Variants in EIF4G3 observed in about 807,000 individuals in gnomAD.
EIF4G3 encodes the protein eIF-4-gamma 3.
EIF4G3 carries 34 observed loss-of-function variants against 186.4 expected under a neutral mutation model. The observed-to-expected ratio is 0.18, with a 90% CI of 0.14 to 0.24. The LOEUF (loss-of-function observed/expected upper bound fraction) is 0.24. Among genes scored for constraint, EIF4G3 ranks in the 10% least tolerant of loss-of-function variants. EIF4G3 has a pLI of 1.00. For synonymous variants in EIF4G3, 673 were observed against 679.5 expected, an observed-to-expected ratio of 0.99 and a Z score of 0.15; for missense variants, 1,536 against 1,948.5, an observed-to-expected ratio of 0.79 and a Z score of 3.99.
intron 14 of EIF4G3, among the ~76,000 whole-genome samples, chr1:20,907,313 C>A (rs1051639046): frequency 2.6e-5 from 4 of 152,114 alleles, no homozygotes; most frequent in South Asian, 4.1e-4. Flanking sequence ...CATTTAATTT[C>A]AACTACATTA....
At chr1:21,039,189 C>T (rs772123781) in intron 4 of EIF4G3, among the ~76,000 whole-genome samples, 6 of 152,108 alleles carry the variant, frequency 3.9e-5, no homozygotes, top group Admixed American at 6.5e-5. Context: ...GACTATTCAA[C>T]GGGTAAAGGA....
At chr1:21,038,414 G>A (rs1341563082) in intron 4 of EIF4G3, among the ~76,000 whole-genome samples, 2 of 152,098 alleles carry the variant, frequency 1.3e-5, no homozygotes, top group East Asian at 3.9e-4. Flanking sequence ...CTGCTATTTA[G>A]GACCCTCTCT....
intron 6 of EIF4G3, 104 bp from the exon 7 acceptor site, chr1:20,997,737 C>T (rs1240111780): frequency 3.6e-6 from 3 of 843,424 alleles, no homozygotes; most frequent in Non-Finnish European, 3.6e-6. Context: ...GAAAAAAAAC[C>T]CACAGTGGGG....
chr1:20,857,087 C>T (rs115598302), intron 25 of EIF4G3, among the ~76,000 whole-genome samples: 1,390 of 131,642 alleles, frequency 0.011, 19 homozygotes, highest in African/African-American at 0.036. Flanking sequence ...GTTGTGAACT[C>T]GGGAGGTGGA....
Position 20,810,616 on chromosome 1 carries a change from T to G in EIF4G3, c.4744+122A>C. 90 of 1,170,736 alleles carry G rather than the reference T, an allele frequency of 7.7e-5. No homozygotes were observed. Among genetic ancestry groups the G allele is most frequent in the East Asian group, 1.2e-4 (5 of 41,636 alleles). 72.5% of individuals were successfully genotyped at this position (1,170,736 alleles called of 1,614,324 possible). On this transcript the variant is annotated intron_variant, in intron 36 of 36. Transcript: ENST00000602326. This position sits in a 1 kb window ranked among gnomAD's most constrained non-coding sequence, Gnocchi z 4.1. ...TTCAAATTTATTAAAGTTAGTTATA[T>G]GAGTTTGTGTTATTAGTGATTCTTT...
intron 10 of EIF4G3, among the ~76,000 whole-genome samples, chr1:20,979,026 G>A (rs969218504): frequency 1.3e-5 from 2 of 151,992 alleles, no homozygotes; most frequent in South Asian, 2.1e-4. Flanking sequence ...GTTATATTAA[G>A]ATTATTTAAT....
At chr1:20,986,505 G>A (rs1226821528) in intron 7 of EIF4G3, among the ~76,000 whole-genome samples, 1 of 152,024 alleles carries the variant, frequency 6.6e-6, no homozygotes, top group Non-Finnish European at 1.5e-5. Flanking sequence ...TGTACCGACT[G>A]CATGACAGTG....
In EIF4G3 at chr1:20,817,592, G is replaced by A. The variant is rs2061379721; in HGVS notation, c.4369-54C>T. On this transcript the variant is annotated intron_variant, in intron 33 of 36. Transcript: ENST00000602326. ...TATATTAATATAATTCTATGTTATTGTCATCCTGAGAGAAGAACAAAGTCA... is the reference window on the plus strand; with the variant it reads ...TATATTAATATAATTCTATGTTATTATCATCCTGAGAGAAGAACAAAGTCA... 7 of 1,175,204 alleles carry A rather than the reference G, an allele frequency of 6.0e-6. No homozygotes were observed. In the South Asian group the frequency reaches 1.7e-4, roughly 28 times the overall value. The allele number at this position is 1,175,204 out of a possible 1,614,324, so 72.8% of individuals were successfully genotyped here.
At chr1:20,981,250 A>ATTT in intron 8 of EIF4G3, 23 bp from the exon 9 acceptor site, 26 of 1,226,502 alleles carry the variant, frequency 2.1e-5, no homozygotes, top group African/African-American at 3.1e-5. Context: ...GAAAAAAAAA[A>ATTT]TTTTTTTTTT....
chr1:20,883,094 A>C (rs1214045401), intron 19 of EIF4G3, among the ~76,000 whole-genome samples: 2 of 152,068 alleles, frequency 1.3e-5, no homozygotes, highest in Non-Finnish European at 2.9e-5. Context: ...AAAAAAAAAA[A>C]ACATTTCGCT....
intron 2 of EIF4G3, among the ~76,000 whole-genome samples, chr1:21,172,544 CTATT>C (rs551971870): frequency 1.6e-4 from 25 of 152,038 alleles, no homozygotes; most frequent in South Asian, 8.3e-4. Flanking sequence ...TGTGGCAATC[CTATT>C]TATTTATTTA....
At chr1:20,833,964 G>A (rs932972823) in intron 30 of EIF4G3, among the ~76,000 whole-genome samples, 18 of 152,024 alleles carry the variant, frequency 1.2e-4, no homozygotes, top group African/African-American at 4.3e-4. Flanking sequence ...AAATTTTAAC[G>A]CAGTAAAGTT....
At chr1:20,864,444 T>C (rs750821922) in intron 22 of EIF4G3, 32 bp downstream of exon 22, 14 of 1,537,958 alleles carry the variant, frequency 9.1e-6, no homozygotes, top group South Asian at 1.1e-5. Context: ...CAAGGAGCCT[T>C]TGCGAAGGTT....
At chr1:20,932,868 T>C (rs1448434355) in intron 14 of EIF4G3, among the ~76,000 whole-genome samples, 1 of 151,972 alleles carries the variant, frequency 6.6e-6, no homozygotes, top group Non-Finnish European at 1.5e-5. Flanking sequence ...ATTAACAGGC[T>C]TTCTCAACAC....
intron 4 of EIF4G3, among the ~76,000 whole-genome samples, chr1:21,042,000 T>C (rs1404036457): frequency 6.6e-6 from 1 of 152,006 alleles, no homozygotes; most frequent in East Asian, 1.9e-4. Flanking sequence ...TTTTTTTTTT[T>C]TTTGGAGACA....
intron 2 of EIF4G3, among the ~76,000 whole-genome samples, chr1:21,139,997 G>A (rs899277253): frequency 6.6e-6 from 1 of 152,130 alleles, no homozygotes; most frequent in Admixed American, 6.5e-5. Context: ...CCTTACTTGG[G>A]TCACCCAAGT....
At chr1:20,889,636 G>C (rs960963765) in intron 18 of EIF4G3, among the ~76,000 whole-genome samples, 3 of 151,840 alleles carry the variant, frequency 2.0e-5, no homozygotes, top group Non-Finnish European at 4.4e-5. Context: ...GACTACAGGC[G>C]CCCGCCACCA....
At chr1:20,963,473 C>G (rs1211302499) in intron 12 of EIF4G3, among the ~76,000 whole-genome samples, 5 of 151,816 alleles carry the variant, frequency 3.3e-5, no homozygotes, top group African/African-American at 9.7e-5. Context: ...AGTAATTTTC[C>G]CAAATGGTAG....
intron 19 of EIF4G3, among the ~76,000 whole-genome samples, chr1:20,883,896 G>T (rs2083245265): frequency 6.6e-6 from 1 of 152,146 alleles, no homozygotes; most frequent in Admixed American, 6.5e-5. Flanking sequence ...GTTTCAGGTA[G>T]ATGACTCAGG....
Sources: allele counts gnomAD v4.1 joint callset (sites outside exome capture counted in the v4.1 genomes callset), GRCh38; gene constraint gnomAD v4.1.1; non-coding constraint Gnocchi (gnomAD v3.1); transcripts MANE v1.5; gene names NCBI Gene and HGNC (gene_info 2026-07-23, HGNC 2026-07-21).